The following DYNC1H1 variants were observed in gnomAD, a reference collection of about 807,000 sequenced individuals.
The protein encoded by DYNC1H1 is dynein cytoplasmic 1 heavy chain 1.
A neutral mutation model predicts 527.1 loss-of-function variants in DYNC1H1; 51 were observed. The observed-to-expected ratio is 0.10, with a 90% CI of 0.08 to 0.12. The LOEUF is 0.12. DYNC1H1 is among the 10% of genes least tolerant of loss of function. The probability of loss-of-function intolerance (pLI) is 1.00; values close to 1 mark genes in which losing one functional copy is unlikely to be tolerated. For synonymous variants in DYNC1H1, 2,189 were observed against 2,278.8 expected (o/e 0.96, Z 1.12); for missense variants, 2,771 against 5,971.8 (o/e 0.46, Z 17.66).
At position 102,034,443 on chromosome 14, in the gene DYNC1H1, G is replaced by A. The variant is rs866994746; in HGVS notation, c.10745G>A (p.Arg3582Gln). 1 of 1,612,854 alleles carries A rather than the reference G, an allele frequency of 6.2e-7. No homozygotes were observed. The highest frequency in any genetic ancestry group is 1.3e-5 in the African/African-American group (1 of 75,004). ...LCTENAIMLK[R>Q]FNRYPLIIDP... Reference sequence around the variant, plus strand: ...ACAGAAAATGCCATCATGCTGAAACGATTCAATAGGTATGAGCTCGGGTGC... The same window carrying A: ...ACAGAAAATGCCATCATGCTGAAACAATTCAATAGGTATGAGCTCGGGTGC... The change falls in exon 56 of 78, where the codon CGA (arginine) becomes CAA (glutamine). Residue 3582 changes from arginine (R) to glutamine (Q), a missense_variant. Arg to Gln is a conservative substitution (Grantham distance 43). Coordinates refer to ENST00000360184, the MANE Select transcript of DYNC1H1 (RefSeq NM_001376.5).
chr14:102,040,206 AC>A, intron 62 of DYNC1H1, 29 bp from the exon 63 acceptor site: 1 of 1,613,278 alleles, frequency 6.2e-7, no homozygotes, highest in Non-Finnish European at 8.5e-7. Flanking sequence ...AACGTGAGAG[AC>A]CCTAGCTAAC....
At chr14:102,046,756 G>GA (rs765611391) in intron 72 of DYNC1H1, among the ~76,000 whole-genome samples, 4 of 151,704 alleles carry the variant, frequency 2.6e-5, no homozygotes, top group Non-Finnish European at 5.9e-5. Flanking sequence ...CCAGGGTCCT[G>GA]AAGAGCCTTC....
chr14:102,041,806 C>A lies in DYNC1H1; in HGVS notation c.12102+72C>A. 6.2e-7 allele frequency: 1 copy of A among 1,607,566 alleles called. No homozygotes were observed. Among genetic ancestry groups the A allele is most frequent in the Non-Finnish European group, 8.5e-7 (1 of 1,177,036 alleles). ...CCTCCCCAGCCACAGGTGGCAGCAGCCCTGGCATCTGCTCTCACTCCGGGC... is the reference window on the plus strand; with the variant it reads ...CCTCCCCAGCCACAGGTGGCAGCAGACCTGGCATCTGCTCTCACTCCGGGC... On this transcript the variant is annotated intron_variant, in intron 65 of 77. Coordinates refer to ENST00000360184, the MANE Select transcript of DYNC1H1 (RefSeq NM_001376.5). The surrounding 1 kb of genome is among the most constrained non-coding windows in gnomAD (Gnocchi z 4.5).
intron 34 of DYNC1H1, among the ~76,000 whole-genome samples, chr14:102,014,157 A>T (rs1290354414): frequency 1.3e-5 from 2 of 152,188 alleles, no homozygotes; most frequent in Non-Finnish European, 2.9e-5. Context: ...TCCGAGGTTA[A>T]GGCTCTGGAG....
chr14:101,993,252 G>A (rs537290569), intron 11 of DYNC1H1, among the ~76,000 whole-genome samples: 3 of 152,046 alleles, frequency 2.0e-5, no homozygotes, highest in East Asian at 1.9e-4. Context: ...GCACCACTCC[G>A]TACAAGGTAC....
chr14:102,012,623 C>A lies in DYNC1H1; in HGVS notation c.7014+153C>A. The A allele has an allele frequency of 9.1e-7, 1 of 1,093,206 alleles. No individual in the cohort carries two copies. The highest frequency in any genetic ancestry group is 1.4e-6 in the Non-Finnish European group (1 of 734,316). 67.7% of individuals were successfully genotyped at this position (1,093,206 alleles called of 1,614,324 possible). Reference sequence around the variant, plus strand: ...ATTTTCAAAGATAGCATCTCAACTGCTAGATTTTTTTTCCATTTCCATGGC... The same window carrying A: ...ATTTTCAAAGATAGCATCTCAACTGATAGATTTTTTTTCCATTTCCATGGC... On this transcript the variant is annotated intron_variant, in intron 34 of 77. Transcript: ENST00000360184. The surrounding 1 kb of genome is among the most constrained non-coding windows in gnomAD (Gnocchi z 4.9).
In DYNC1H1 at chr14:102,041,379, G is replaced by A. The variant is rs1414224409; in HGVS notation, c.11942-195G>A. 6.3e-6 allele frequency: 5 copies of A among 793,726 alleles called. No individual in the cohort carries two copies. The highest frequency in any genetic ancestry group is 4.6e-5 in the South Asian group (3 of 65,150). The allele number at this position is 793,726 out of a possible 1,614,324, so 49.2% of individuals were successfully genotyped here. ...TTTGTCCTATGGATACATCCAGGTA[G>A]TAAGGTGTTCTCACAGGCGTGTCCA... On this transcript the variant is annotated intron_variant, in intron 64 of 77. Coordinates refer to ENST00000360184, the MANE Select transcript of DYNC1H1 (RefSeq NM_001376.5). The surrounding 1 kb of genome is among the most constrained non-coding windows in gnomAD (Gnocchi z 4.5).
At chr14:102,032,232 T>C in intron 51 of DYNC1H1, 40 bp from the exon 52 acceptor site, 4 of 1,611,728 alleles carry the variant, frequency 2.5e-6, no homozygotes, top group Non-Finnish European at 3.4e-6. Flanking sequence ...CTCTATCTTC[T>C]CCCACCCATC....
At chr14:101,978,116 G>A (rs901904216) in intron 2 of DYNC1H1, among the ~76,000 whole-genome samples, 1 of 152,202 alleles carries the variant, frequency 6.6e-6, no homozygotes, top group South Asian at 2.1e-4. Context: ...GTGCAGTGGT[G>A]CGATCTCGGC....
chr14:102,029,273 A>G lies in DYNC1H1; in HGVS notation c.9469-266A>G. The G allele has an allele frequency of 2.0e-6, 1 of 510,912 alleles. No individual in the cohort carries two copies. Among genetic ancestry groups the G allele is most frequent in the Non-Finnish European group, 3.5e-6 (1 of 282,074 alleles). The allele number at this position is 510,912 out of a possible 1,614,324, so 31.6% of individuals were successfully genotyped here. A position where few individuals can be genotyped will look rare whatever the true frequency, so the allele number is the denominator to read the frequency against. On this transcript the variant is annotated intron_variant, in intron 48 of 77. Coordinates refer to ENST00000360184, the MANE Select transcript of DYNC1H1 (RefSeq NM_001376.5). The surrounding 1 kb of genome is among the most constrained non-coding windows in gnomAD (Gnocchi z 5.3). ...CTTTCTATAGTAACTGACATTTGTGATGCCTTTTCACATAAGTACACCTCT... is the reference window on the plus strand; with the variant it reads ...CTTTCTATAGTAACTGACATTTGTGGTGCCTTTTCACATAAGTACACCTCT...
intron 74 of DYNC1H1, 157 bp downstream of exon 74, chr14:102,048,826 AGGGG>A: frequency 7.1e-6 from 1 of 140,006 alleles, no homozygotes; most frequent in Non-Finnish European, 1.4e-5. Context: ...GGGCGGGGGG[AGGGG>A]AGGAGCTTAG....
chr14:101,964,778 G>T lies in DYNC1H1; in HGVS notation c.87G>T (p.Val29=). 1 of 1,601,094 alleles carries T rather than the reference G, an allele frequency of 6.2e-7. No homozygotes were observed. The change falls in exon 1 of 78, where the codon GTG becomes GTT. Residue 29 remains valine, a synonymous_variant. Coordinates refer to ENST00000360184, the MANE Select transcript of DYNC1H1 (RefSeq NM_001376.5). This position sits in a 1 kb window ranked among gnomAD's most constrained non-coding sequence, Gnocchi z 5.5. Reference sequence around the variant, plus strand: ...TGCAGAATGTGGCGGACGTGTCGGTGCTGCAGAAGCACCTGCGCAAGCTGG... The same window carrying T: ...TGCAGAATGTGGCGGACGTGTCGGTTCTGCAGAAGCACCTGCGCAAGCTGG... ...SAVQNVADVS[V]LQKHLRKLVP...
In DYNC1H1 at chr14:102,034,330, T is replaced by C; in HGVS notation, c.10632T>C (p.Arg3544=). ...GTAACGGCCTTGCCTTTCAGTTCCG[T>C]ACAGATATTGCCAGGACGGAATACC... is the stretch of plus-strand genomic sequence containing the variant. The part of the protein sequence containing the change: ...HHLQQANIQF[R]TDIARTEYLS... The change falls in exon 56 of 78, where the codon CGT becomes CGC. Residue 3544 remains arginine (R), a synonymous_variant. Transcript: ENST00000360184. The C allele has an allele frequency of 6.2e-7, 1 of 1,614,246 alleles. No individual in the cohort carries two copies.
Position 102,029,964 on chromosome 14 carries a change from G to T in DYNC1H1, c.9762+26G>T, listed in dbSNP as rs754176803. ...GTATGGTGTCAGGGAATTCTGGCCT[G>T]TAAGGACTGAGCATTTTCAGTCTCC... On this transcript the variant is annotated intron_variant, in intron 50 of 77. Coordinates refer to ENST00000360184, the MANE Select transcript of DYNC1H1 (RefSeq NM_001376.5). This position sits in a 1 kb window ranked among gnomAD's most constrained non-coding sequence, Gnocchi z 5.3. 11 of 1,614,080 alleles carry T rather than the reference G, an allele frequency of 6.8e-6. No individual in the cohort carries two copies. The highest frequency in any genetic ancestry group is 9.3e-6 in the Non-Finnish European group (11 of 1,180,014).
Position 101,979,207 on chromosome 14 carries a change from CATTTCA to C in DYNC1H1, c.345-111_345-106del. On this transcript the variant is annotated intron_variant, in intron 2 of 77. Transcript: ENST00000360184. This position sits in a 1 kb window ranked among gnomAD's most constrained non-coding sequence, Gnocchi z 4.6. ...ATGTACTAAAGAAAGACAAGCAGTGCATTTCACTATTAGAAAAGCAACACTTCAGTA... is the reference window on the plus strand; with the variant it reads ...ATGTACTAAAGAAAGACAAGCAGTGCCTATTAGAAAAGCAACACTTCAGTA... 9.7e-7 allele frequency: 1 copy of C among 1,029,586 alleles called. No homozygotes were observed. The highest frequency in any genetic ancestry group is 2.5e-5 in the East Asian group (1 of 39,240). The allele number at this position is 1,029,586 out of a possible 1,614,324, so 63.8% of individuals were successfully genotyped here. A position where few individuals can be genotyped will look rare whatever the true frequency, so the allele number is the denominator to read the frequency against.
rs764629057 is a variant in DYNC1H1, at chr14:102,048,495, C to T, written c.13219-21C>T. 3.1e-6 allele frequency: 5 copies of T among 1,614,012 alleles called. No homozygotes were observed. The African/African-American group carries it at 5.3e-5, about 17-fold the overall frequency. Reference sequence around the variant, plus strand: ...AAAGGACCTCTTCCTAACTTCTCTTCACCCTTTTGAACGATTTTAGGATCC... The same window carrying T: ...AAAGGACCTCTTCCTAACTTCTCTTTACCCTTTTGAACGATTTTAGGATCC... On this transcript the variant is annotated intron_variant, in intron 73 of 77. Transcript: ENST00000360184.
Position 102,016,945 on chromosome 14 carries a change from G to T in DYNC1H1, c.7794G>T (p.Gly2598=). ...CCCTGGTCTTGTGTGGCCCTCCTGG[G>T]TCTGGCAAGACCATGACACTCTTCA... ...HKPLVLCGPP[G]SGKTMTLFSA... The change falls in exon 38 of 78, where the codon GGG becomes GGT. Residue 2598 remains glycine (G), a synonymous_variant. Transcript: ENST00000360184. This position sits in a 1 kb window ranked among gnomAD's most constrained non-coding sequence, Gnocchi z 7.3. The T allele has an allele frequency of 6.2e-7, 1 of 1,614,242 alleles. No individual in the cohort carries two copies. The highest frequency in any genetic ancestry group is 1.1e-5 in the South Asian group (1 of 91,092).
intron 34 of DYNC1H1, among the ~76,000 whole-genome samples, chr14:102,014,828 A>G (rs2048301579): frequency 6.6e-6 from 1 of 151,614 alleles, no homozygotes; most frequent in Non-Finnish European, 1.5e-5. Context: ...TGCAGAAAAA[A>G]TTTTTTTGAG....
intron 29 of DYNC1H1, among the ~76,000 whole-genome samples, chr14:102,008,789 A>C (rs563797163): frequency 9.1e-4 from 138 of 152,272 alleles, no homozygotes; most frequent in Admixed American, 1.6e-3. Flanking sequence ...CTGTTCCCCC[A>C]AAAAAAGAAA....
Sources: allele counts gnomAD v4.1 joint callset (sites outside exome capture counted in the v4.1 genomes callset), GRCh38; gene constraint gnomAD v4.1.1; non-coding constraint Gnocchi (gnomAD v3.1); transcripts MANE v1.5; gene names NCBI Gene and HGNC (gene_info 2026-07-23, HGNC 2026-07-21).